Variants in GABRG3 observed in about 807,000 individuals in gnomAD.
GABRG3 encodes the protein gamma-aminobutyric acid receptor subunit gamma-3.
Under a neutral mutation model 48.8 loss-of-function variants are expected in GABRG3, and 25 were observed. The observed-to-expected ratio is 0.51, with a 90% CI of 0.37 to 0.72. GABRG3 has a LOEUF of 0.72. Among genes scored for constraint, GABRG3 ranks in the 30% least tolerant of loss-of-function variants. The probability of loss-of-function intolerance (pLI) is 0.00; values close to 1 mark genes in which losing one functional copy is unlikely to be tolerated. For missense variants in GABRG3, 394 were observed against 577.9 expected, an observed-to-expected ratio of 0.68 and a Z score of 3.26; for synonymous variants, 227 against 217.6, an observed-to-expected ratio of 1.04 and a Z score of -0.38.
chr15:27,316,011 T>C (rs1893201321), intron 3 of GABRG3, among the ~76,000 whole-genome samples: 1 of 152,224 alleles, frequency 6.6e-6, no homozygotes. Context: ...CTTTGAACGC[T>C]ATTTTCCTTC....
intron 3 of GABRG3, among the ~76,000 whole-genome samples, chr15:27,238,528 T>G (rs535459147): frequency 1.4e-4 from 22 of 152,338 alleles, no homozygotes; most frequent in African/African-American, 4.8e-4. Context: ...ACTGTGTCCC[T>G]CCTTCTCTAT....
intron 5 of GABRG3, among the ~76,000 whole-genome samples, chr15:27,456,568 C>T (rs952629384): frequency 6.6e-6 from 1 of 152,154 alleles, no homozygotes; most frequent in Non-Finnish European, 1.5e-5. Context: ...ACCAGTGGGT[C>T]GAGAATGCAG....
chr15:27,090,634 G>T (rs570700691), intron 3 of GABRG3, among the ~76,000 whole-genome samples: 43 of 151,976 alleles, frequency 2.8e-4, no homozygotes, highest in Middle Eastern at 3.2e-3. Flanking sequence ...AATGAATCTA[G>T]GATGTCTTTC....
intron 6 of GABRG3, among the ~76,000 whole-genome samples, chr15:27,496,754 G>A (rs372473189): frequency 1.3e-5 from 2 of 152,120 alleles, no homozygotes; most frequent in Non-Finnish European, 2.9e-5. Context: ...AAGGGAAGAC[G>A]AGGCCAAGGC....
intron 3 of GABRG3, among the ~76,000 whole-genome samples, chr15:27,216,230 G>A (rs1474083762): frequency 6.6e-6 from 1 of 152,206 alleles, no homozygotes; most frequent in Non-Finnish European, 1.5e-5. Flanking sequence ...TGCAAACTCA[G>A]GTTGAAAATG....
Position 27,527,436 on chromosome 15 carries a change from TCAC to T in GABRG3, c.873_875del (p.Thr292del). Reference sequence around the variant, plus strand: ...ATGCTACCCGTCCCCTGTTCAGGCATCACCACGGTGCTGACCATGACCACCCTG... The same window carrying T: ...ATGCTACCCGTCCCCTGTTCAGGCATCACGGTGCTGACCATGACCACCCTG... On this transcript the variant is annotated inframe_deletion, in exon 8 of 10. Coordinates refer to ENST00000615808, the MANE Select transcript of GABRG3 (RefSeq NM_033223.5). 1 of 1,613,258 alleles carries T rather than the reference TCAC, an allele frequency of 6.2e-7. No homozygotes were observed. Among genetic ancestry groups the T allele is most frequent in the Non-Finnish European group, 8.5e-7 (1 of 1,179,644 alleles).
intron 2 of GABRG3, among the ~76,000 whole-genome samples, chr15:27,022,371 C>T (rs1214404228): frequency 1.3e-5 from 2 of 152,152 alleles, no homozygotes; most frequent in Non-Finnish European, 1.5e-5. Context: ...TATTAACCCA[C>T]CTGACTTATT....
intron 3 of GABRG3, among the ~76,000 whole-genome samples, chr15:27,032,413 G>T (rs1246866168): frequency 2.6e-5 from 4 of 152,126 alleles, no homozygotes; most frequent in Admixed American, 2.6e-4. Flanking sequence ...GAATATCTGA[G>T]ACTGGGTAAT....
chr15:27,115,568 A>G (rs1002307699), intron 3 of GABRG3, among the ~76,000 whole-genome samples: 8 of 152,184 alleles, frequency 5.3e-5, no homozygotes, highest in African/African-American at 1.9e-4. Flanking sequence ...TGCCATCAGT[A>G]TTGCCAATGA....
intron 5 of GABRG3, among the ~76,000 whole-genome samples, chr15:27,474,511 G>A (rs1257393227): frequency 7.2e-5 from 11 of 152,046 alleles, no homozygotes; most frequent in South Asian, 2.1e-4. Context: ...TCCCTCCAGC[G>A]CTTTGGAAGG....
chr15:27,300,693 A>C (rs1050117131), intron 3 of GABRG3, among the ~76,000 whole-genome samples: 5 of 151,406 alleles, frequency 3.3e-5, no homozygotes, highest in African/African-American at 9.7e-5. Context: ...AAAAAAAAAA[A>C]AAAACACCTG....
intron 3 of GABRG3, among the ~76,000 whole-genome samples, chr15:27,274,365 T>A (rs773698127): frequency 5.3e-5 from 8 of 152,084 alleles, no homozygotes; most frequent in African/African-American, 9.7e-5. Context: ...AGTTCGAGGG[T>A]ATGGTCCTGG....
intron 3 of GABRG3, among the ~76,000 whole-genome samples, chr15:27,142,176 A>G (rs1460024334): frequency 2.0e-5 from 3 of 152,128 alleles, no homozygotes; most frequent in African/African-American, 4.8e-5. Context: ...TCCATTTTTC[A>G]TTGATAACTT....
At chr15:27,347,284 G>A (rs1306902436) in intron 5 of GABRG3, among the ~76,000 whole-genome samples, 3 of 152,182 alleles carry the variant, frequency 2.0e-5, no homozygotes, top group Non-Finnish European at 4.4e-5. Flanking sequence ...ATGGTTTAGG[G>A]TGGAGCCAAC....
At chr15:27,277,625 A>T (rs1001759126) in intron 3 of GABRG3, among the ~76,000 whole-genome samples, 1 of 152,170 alleles carries the variant, frequency 6.6e-6, no homozygotes, top group Non-Finnish European at 1.5e-5. Context: ...CATTGGTGAC[A>T]TTGGTGACTG....
chr15:27,367,270 A>T lies in GABRG3; in HGVS notation c.574+38382A>T, dbSNP rs9707904. 1.3e-3 allele frequency among the ~76,000 whole-genome samples: 201 copies of T among 152,218 alleles called. No individual in the cohort carries two copies. In the East Asian group the frequency reaches 0.03, roughly 23 times the overall value. ...CCTAGTTGTCCTAGATATTTATTTT[A>T]ATCATTTAAGTGGAAGATCCCAGTC... On this transcript the variant is annotated intron_variant, in intron 5 of 9. Transcript: ENST00000615808.
chr15:27,388,037 A>G (rs934569355), intron 5 of GABRG3, among the ~76,000 whole-genome samples: 2 of 96,206 alleles, frequency 2.1e-5, no homozygotes, highest in Non-Finnish European at 2.1e-5. Flanking sequence ...GGAGGAAAGG[A>G]AGGAAGGAAG....
chr15:27,338,431 C>G (rs887556895), intron 5 of GABRG3, among the ~76,000 whole-genome samples: 1 of 152,036 alleles, frequency 6.6e-6, no homozygotes, highest in Non-Finnish European at 1.5e-5. Flanking sequence ...CAATGGAAAC[C>G]GATTTAAGAT....
intron 3 of GABRG3, among the ~76,000 whole-genome samples, chr15:27,115,792 A>C (rs555876479): frequency 2.0e-5 from 3 of 152,202 alleles, no homozygotes; most frequent in Admixed American, 2.0e-4. Flanking sequence ...TAAAACTTTC[A>C]AAATTTTCAA....
Sources: gnomAD v4.1 joint callset for allele counts (sites outside exome capture counted in the v4.1 genomes callset) on GRCh38, gnomAD v4.1.1 for gene constraint, MANE v1.5 for transcripts, NCBI Gene and HGNC (gene_info 2026-07-23, HGNC 2026-07-21) for gene names.